DAB1: variants seen among roughly 807,000 people sequenced by gnomAD.
The protein encoded by DAB1 is DAB adaptor protein 1.
Under a neutral mutation model 64.6 loss-of-function variants are expected in DAB1, and 15 were observed. The ratio of observed to expected loss-of-function variants is 0.23; its 90% CI spans 0.16 to 0.36. DAB1 has a LOEUF of 0.36. Among genes scored for constraint, DAB1 ranks in the 10% least tolerant of loss-of-function variants. The pLI, the probability that DAB1 is intolerant of heterozygous loss-of-function variation, is 1.00. For synonymous variants in DAB1, 235 were observed against 251.9 expected, an observed-to-expected ratio of 0.93 and a Z score of 0.64; for missense variants, 596 against 706.7, an observed-to-expected ratio of 0.84 and a Z score of 1.78.
At chr1:58,039,052 A>G (rs977863619) in intron 5 of DAB1, among the ~76,000 whole-genome samples, 2 of 151,892 alleles carry the variant, frequency 1.3e-5, no homozygotes, top group East Asian at 1.9e-4. Flanking sequence ...TCTGTTAACT[A>G]TGTCTCTTTA....
intron 7 of DAB1, among the ~76,000 whole-genome samples, chr1:57,631,161 T>C (rs1645984753): frequency 6.6e-6 from 1 of 152,196 alleles, no homozygotes; most frequent in Admixed American, 6.5e-5. Context: ...ATACAAAACC[T>C]GTGTATAGTC....
intron 1 of DAB1, among the ~76,000 whole-genome samples, chr1:57,836,239 A>T (rs1007807418): frequency 2.6e-5 from 4 of 152,232 alleles, no homozygotes; most frequent in African/African-American, 9.7e-5. Flanking sequence ...GGAAGCTAGA[A>T]AGGTGATGAA....
chr1:57,944,192 T>C (rs898138430), intron 5 of DAB1, among the ~76,000 whole-genome samples: 1 of 152,098 alleles, frequency 6.6e-6, no homozygotes, highest in African/African-American at 2.4e-5. Flanking sequence ...CACGCTGGCT[T>C]CATCTTTCTT....
At chr1:57,057,483 A>G (rs1408755932) in intron 9 of DAB1, among the ~76,000 whole-genome samples, 3 of 152,216 alleles carry the variant, frequency 2.0e-5, no homozygotes, top group Admixed American at 6.5e-5. Flanking sequence ...CACTCTTAAA[A>G]TCCAAAAATT....
chr1:57,351,157 C>A (rs1236114101), intron 1 of DAB1, among the ~76,000 whole-genome samples: 1 of 152,150 alleles, frequency 6.6e-6, no homozygotes, highest in Non-Finnish European at 1.5e-5. Context: ...GTCACTTGTT[C>A]AAGTTTCAAA....
intron 5 of DAB1, among the ~76,000 whole-genome samples, chr1:58,059,455 C>T (rs1648352262): frequency 6.6e-6 from 1 of 152,216 alleles, no homozygotes; most frequent in South Asian, 2.1e-4. Context: ...AATAAACATG[C>T]TAGGTAATTC....
chr1:58,386,033 C>T (rs1382516277), intron 3 of DAB1, among the ~76,000 whole-genome samples: 6 of 152,180 alleles, frequency 3.9e-5, no homozygotes, highest in African/African-American at 1.2e-4. Context: ...AGCACGTTAG[C>T]TCTACCTATC....
At chr1:57,317,999 A>G (rs1675362690) in intron 1 of DAB1, among the ~76,000 whole-genome samples, 1 of 152,058 alleles carries the variant, frequency 6.6e-6, no homozygotes, top group African/African-American at 2.4e-5. Context: ...TTTTACAGTC[A>G]ATGCCATTTG....
intron 1 of DAB1, among the ~76,000 whole-genome samples, chr1:57,323,289 G>A (rs1432991825): frequency 6.6e-6 from 1 of 152,168 alleles, no homozygotes; most frequent in Non-Finnish European, 1.5e-5. Flanking sequence ...CAGCCCAGAA[G>A]AGGGCACCTT....
At chr1:57,368,422 C>A (rs1680237997) in intron 1 of DAB1, among the ~76,000 whole-genome samples, 1 of 152,166 alleles carries the variant, frequency 6.6e-6, no homozygotes, top group South Asian at 2.1e-4. Flanking sequence ...TGGGCCCACC[C>A]ATGGCCAACC....
intron 6 of DAB1, among the ~76,000 whole-genome samples, chr1:57,802,000 A>T (rs1377103841): frequency 6.6e-6 from 1 of 152,196 alleles, no homozygotes; most frequent in Admixed American, 6.5e-5. Flanking sequence ...GGTAGAGACT[A>T]TTGGGGTGCA....
chr1:57,007,029 T>C (rs963279452), intron 14 of DAB1, among the ~76,000 whole-genome samples: 1 of 151,354 alleles, frequency 6.6e-6, no homozygotes, highest in African/African-American at 2.4e-5. Context: ...TCCTTTTTTT[T>C]CTCTCTCTCT....
At chr1:58,236,589 G>A (rs1360574504) in intron 4 of DAB1, among the ~76,000 whole-genome samples, 1 of 152,220 alleles carries the variant, frequency 6.6e-6, no homozygotes, top group African/African-American at 2.4e-5. Context: ...ACAGAAATAA[G>A]AGATTATATG....
At position 56,996,163 on chromosome 1, in the gene DAB1, T is replaced by C. The variant is rs948298944; in HGVS notation, c.*1981A>G. On this transcript the variant is annotated 3_prime_UTR_variant, in exon 15 of 15. Coordinates refer to ENST00000371236, the MANE Select transcript of DAB1 (RefSeq NM_001365792.1). ...AACAAGTATACAATCATTTTTCAAATGAATCTCCCAAATCATTTTAGTTTC... is the reference window on the plus strand; with the variant it reads ...AACAAGTATACAATCATTTTTCAAACGAATCTCCCAAATCATTTTAGTTTC... 4 of 152,252 alleles carry C rather than the reference T, an allele frequency of 2.6e-5. No homozygotes were observed. Among genetic ancestry groups the C allele is most frequent in the Admixed American group, 6.5e-5 (1 of 15,286 alleles). 9.4% of individuals were successfully genotyped at this position (152,252 alleles called of 1,614,324 possible).
intron 6 of DAB1, among the ~76,000 whole-genome samples, chr1:57,762,148 G>T (rs1649115376): frequency 6.6e-6 from 1 of 152,096 alleles, no homozygotes; most frequent in African/African-American, 2.4e-5. Context: ...ATAAGCAAAT[G>T]AATTTTAAAA....
chr1:57,844,843 C>T (rs1193920886), intron 1 of DAB1, among the ~76,000 whole-genome samples: 1 of 152,130 alleles, frequency 6.6e-6, no homozygotes, highest in African/African-American at 2.4e-5. Flanking sequence ...TCCTTCATAG[C>T]TCTGACTCCC....
At chr1:57,865,935 G>A (rs1654279288) in intron 1 of DAB1, among the ~76,000 whole-genome samples, 1 of 152,116 alleles carries the variant, frequency 6.6e-6, no homozygotes, top group South Asian at 2.1e-4. Flanking sequence ...CAGCAGATTT[G>A]GTGTTTCATG....
At chr1:57,290,376 C>A (rs1672674629) in intron 2 of DAB1, among the ~76,000 whole-genome samples, 1 of 152,142 alleles carries the variant, frequency 6.6e-6, no homozygotes, top group Non-Finnish European at 1.5e-5. Context: ...AATGCAGAGT[C>A]TTGGGTCCTA....
intron 3 of DAB1, among the ~76,000 whole-genome samples, chr1:58,436,753 G>T (rs1052754013): frequency 2.0e-5 from 3 of 152,172 alleles, no homozygotes; most frequent in African/African-American, 7.2e-5. Context: ...TCTAATATGG[G>T]ACTCTAAAAT....
Sources: gnomAD v4.1 joint callset for allele counts (sites outside exome capture counted in the v4.1 genomes callset) on GRCh38, gnomAD v4.1.1 for gene constraint, MANE v1.5 for transcripts, NCBI Gene and HGNC (gene_info 2026-07-23, HGNC 2026-07-21) for gene names.